Variants in SLCO5A1 observed in about 807,000 individuals in gnomAD.
SLCO5A1 encodes organic anion transporter polypeptide-related protein 4.
Under a neutral mutation model 65.1 loss-of-function variants are expected in SLCO5A1, and 39 were observed. That is an observed-to-expected ratio of 0.60 (90% CI 0.46 to 0.78). The LOEUF (loss-of-function observed/expected upper bound fraction) is 0.78, where lower values mean the gene tolerates loss of function less well. Among genes scored for constraint, SLCO5A1 ranks in the 30% least tolerant of loss-of-function variants. The pLI, the probability that SLCO5A1 is intolerant of heterozygous loss-of-function variation, is 0.00. For missense variants in SLCO5A1, 1,029 were observed against 1,069.4 expected, an observed-to-expected ratio of 0.96 and a Z score of 0.53; for synonymous variants, 438 against 415.7, an observed-to-expected ratio of 1.05 and a Z score of -0.65.
intron 2 of SLCO5A1, among the ~76,000 whole-genome samples, chr8:69,823,370 G>A (rs1820732979): frequency 6.6e-6 from 1 of 152,160 alleles, no homozygotes. Context: ...CTGTATTCAG[G>A]AGACCCATCT....
chr8:69,806,441 T>C (rs1381653658), intron 2 of SLCO5A1, among the ~76,000 whole-genome samples: 1 of 152,224 alleles, frequency 6.6e-6, no homozygotes, highest in Non-Finnish European at 1.5e-5. Context: ...ACACAGAGCA[T>C]GTGTATATCA....
At chr8:69,796,450 C>T (rs559933607) in intron 2 of SLCO5A1, among the ~76,000 whole-genome samples, 1 of 151,996 alleles carries the variant, frequency 6.6e-6, no homozygotes, top group East Asian at 1.9e-4. Flanking sequence ...CCTGCCTCTA[C>T]TAAAAATACA....
chr8:69,829,425 G>A (rs985951036), intron 2 of SLCO5A1, among the ~76,000 whole-genome samples: 2 of 152,172 alleles, frequency 1.3e-5, no homozygotes, highest in Non-Finnish European at 2.9e-5. Flanking sequence ...AGGCTAAAGT[G>A]GCTAACAGCC....
intron 2 of SLCO5A1, among the ~76,000 whole-genome samples, chr8:69,822,467 G>A (rs561473652): frequency 2.3e-4 from 35 of 152,290 alleles, no homozygotes; most frequent in Non-Finnish European, 4.0e-4. Flanking sequence ...TGATCAAAAT[G>A]TTCCTGTTCA....
intron 2 of SLCO5A1, among the ~76,000 whole-genome samples, chr8:69,766,044 T>G (rs548307930): frequency 3.0e-4 from 45 of 152,296 alleles, no homozygotes; most frequent in Non-Finnish European, 5.9e-5. Flanking sequence ...ACTATTAGTC[T>G]CTCTCTCACA....
chr8:69,824,438 AGG>A (rs1230838447), intron 2 of SLCO5A1, among the ~76,000 whole-genome samples: 1 of 152,166 alleles, frequency 6.6e-6, no homozygotes, highest in Admixed American at 6.5e-5. Context: ...AAAATGATAA[AGG>A]GGATATCACC....
Position 69,755,457 on chromosome 8 carries a change from C to A in SLCO5A1, c.1225G>T (p.Val409Phe). 6.2e-7 allele frequency: 1 copy of A among 1,613,962 alleles called. No homozygotes were observed. Among genetic ancestry groups the A allele is most frequent in the Non-Finnish European group, 8.5e-7 (1 of 1,179,980 alleles). Residue 409 changes from valine (V) to phenylalanine (F), a missense_variant, in exon 4 of 10, where the codon GTT (valine) becomes TTT (phenylalanine). Coordinates refer to ENST00000260126, the MANE Select transcript of SLCO5A1 (RefSeq NM_030958.3). ...TCCTTTCCAAATCCCATCGAAGAAA[C>A]TTTTTTGTCCGCTTGTTCACTGTTG... The part of the protein sequence containing the change: ...SNNSEQADKK[V>F]SSMGFGKDVR...
chr8:69,795,310 G>A (rs916882495), intron 2 of SLCO5A1, among the ~76,000 whole-genome samples: 2 of 152,200 alleles, frequency 1.3e-5, no homozygotes, highest in African/African-American at 2.4e-5. Flanking sequence ...CTATGAACCT[G>A]TAAAATCAAA....
intron 3 of SLCO5A1, 60 bp downstream of exon 3, chr8:69,761,683 C>T (rs998330935): frequency 1.3e-6 from 2 of 1,568,380 alleles, no homozygotes; most frequent in African/African-American, 2.8e-5. Context: ...TACAAGTGTA[C>T]CATGACTTTA....
chr8:69,724,073 T>C (rs1428603626), intron 5 of SLCO5A1, among the ~76,000 whole-genome samples: 1 of 152,224 alleles, frequency 6.6e-6, no homozygotes, highest in Admixed American at 6.5e-5. Context: ...ATGCCGGGCC[T>C]AGTATGCTTT....
Position 69,668,328 on chromosome 8 carries a change from A to G in SLCO5A1, c.*4541T>C, listed in dbSNP as rs557092015. ...CCGCAGCACTCTCTTATTATGGAAGAGAAAACACAAATGTGTGGAAAGGCT... is the reference window on the plus strand; with the variant it reads ...CCGCAGCACTCTCTTATTATGGAAGGGAAAACACAAATGTGTGGAAAGGCT... On this transcript the variant is annotated 3_prime_UTR_variant, in exon 10 of 10. Transcript: ENST00000260126. 3 of 152,346 alleles carry G rather than the reference A, an allele frequency of 2.0e-5. No individual in the cohort carries two copies. In the East Asian group the frequency reaches 5.8e-4, roughly 29 times the overall value. The allele number at this position is 152,346 out of a possible 1,614,324, so 9.4% of individuals were successfully genotyped here. A position where few individuals can be genotyped will look rare whatever the true frequency, so the allele number is the denominator to read the frequency against.
At chr8:69,830,476 C>G (rs2130929396) in intron 2 of SLCO5A1, among the ~76,000 whole-genome samples, 1 of 152,272 alleles carries the variant, frequency 6.6e-6, no homozygotes, top group East Asian at 1.9e-4. Context: ...TACAGGCACA[C>G]ACCACCACAC....
intron 3 of SLCO5A1, among the ~76,000 whole-genome samples, chr8:69,759,353 T>C (rs957582040): frequency 1.3e-5 from 2 of 152,162 alleles, no homozygotes; most frequent in African/African-American, 4.8e-5. Flanking sequence ...AGAACTAACA[T>C]TGAGCCATTA....
intron 6 of SLCO5A1, among the ~76,000 whole-genome samples, chr8:69,704,206 C>G (rs1414582464): frequency 6.6e-6 from 1 of 152,044 alleles, no homozygotes; most frequent in Admixed American, 6.5e-5. Context: ...CAGCCATGAG[C>G]CTTTTTTAGA....
chr8:69,700,091 G>C (rs1197413016), intron 6 of SLCO5A1: 2 of 152,152 alleles, frequency 1.3e-5, no homozygotes, highest in Admixed American at 1.3e-4. Context: ...GCAAGACCCT[G>C]TTTCAAAAAA....
At chr8:69,722,211 G>A (rs921545082) in intron 5 of SLCO5A1, among the ~76,000 whole-genome samples, 17 of 152,026 alleles carry the variant, frequency 1.1e-4, no homozygotes, top group African/African-American at 3.1e-4. Flanking sequence ...TAATAAATGC[G>A]TTTATGTTAG....
At chr8:69,793,701 C>T (rs943250116) in intron 2 of SLCO5A1, among the ~76,000 whole-genome samples, 1 of 151,800 alleles carries the variant, frequency 6.6e-6, no homozygotes, top group African/African-American at 2.4e-5. Context: ...TCACTTGAAC[C>T]CAGGAGACAG....
chr8:69,686,189 T>C (rs1490225774), intron 6 of SLCO5A1, among the ~76,000 whole-genome samples: 2 of 147,884 alleles, frequency 1.4e-5, no homozygotes, highest in Non-Finnish European at 3.0e-5. Flanking sequence ...CCATACATAC[T>C]ATGCTCATGC....
chr8:69,707,753 C>A (rs1484085374), intron 5 of SLCO5A1, among the ~76,000 whole-genome samples: 1 of 152,024 alleles, frequency 6.6e-6, no homozygotes, highest in Non-Finnish European at 1.5e-5. Flanking sequence ...TAGGGCCCCA[C>A]AAAGATGGCC....
Sources: allele counts gnomAD v4.1 joint callset (sites outside exome capture counted in the v4.1 genomes callset), GRCh38; gene constraint gnomAD v4.1.1; transcripts MANE v1.5; gene names NCBI Gene and HGNC (gene_info 2026-07-23, HGNC 2026-07-21).